Variants in LRRC8D observed in about 807,000 individuals in gnomAD.
LRRC8D encodes leucine rich repeat containing 8 VRAC subunit D.
In LRRC8D, 20 loss-of-function variants were observed where a neutral mutation model predicts 55.8. The ratio of observed to expected loss-of-function variants is 0.36; its 90% CI spans 0.25 to 0.52. LRRC8D has a LOEUF of 0.52. Ranked by LOEUF, LRRC8D falls within the 20% of genes least tolerant of loss-of-function variation. The pLI is 0.93. For missense variants in LRRC8D, 651 were observed against 1,030.8 expected (o/e 0.63, Z 5.05); for synonymous variants, 352 against 377.0 (o/e 0.93, Z 0.77).
intron 2 of LRRC8D, among the ~76,000 whole-genome samples, chr1:89,904,995 T>G (rs1348399713): frequency 8.0e-6 from 1 of 124,280 alleles, no homozygotes; most frequent in Non-Finnish European, 2.0e-5. Flanking sequence ...TGGAAGTACT[T>G]GATTTTGGAG....
intron 2 of LRRC8D, among the ~76,000 whole-genome samples, chr1:89,850,554 A>G (rs1661386208): frequency 6.6e-6 from 1 of 152,206 alleles, no homozygotes; most frequent in Non-Finnish European, 1.5e-5. Flanking sequence ...TAGTTTGCAA[A>G]GGATAATGGC....
chr1:89,848,975 C>A (rs978212759), intron 2 of LRRC8D, among the ~76,000 whole-genome samples: 1 of 152,022 alleles, frequency 6.6e-6, no homozygotes, highest in Non-Finnish European at 1.5e-5. Flanking sequence ...TGGGATTACA[C>A]GCATGAGCCA....
At chr1:89,897,721 C>T (rs1418718016) in intron 2 of LRRC8D, among the ~76,000 whole-genome samples, 1 of 151,556 alleles carries the variant, frequency 6.6e-6, no homozygotes, top group East Asian at 1.9e-4. Context: ...TTTTAATAAC[C>T]TGAAAAAAAA....
intron 1 of LRRC8D, among the ~76,000 whole-genome samples, chr1:89,830,631 C>T (rs1660864082): frequency 6.6e-6 from 1 of 152,144 alleles, no homozygotes; most frequent in Non-Finnish European, 1.5e-5. Flanking sequence ...GTGGGAGGCC[C>T]ATCAGAAGTG....
intron 2 of LRRC8D, among the ~76,000 whole-genome samples, chr1:89,896,069 C>T (rs983942572): frequency 6.6e-6 from 1 of 152,238 alleles, no homozygotes; most frequent in Admixed American, 6.5e-5. Context: ...AGAAATGATA[C>T]ATGAGTTTTA....
intron 2 of LRRC8D, among the ~76,000 whole-genome samples, chr1:89,870,300 C>A (rs1186200246): frequency 6.6e-6 from 1 of 151,612 alleles, no homozygotes; most frequent in Non-Finnish European, 1.5e-5. Context: ...TGTGGTGAAA[C>A]CCTGTCTCTA....
intron 2 of LRRC8D, among the ~76,000 whole-genome samples, chr1:89,894,865 G>A (rs777378019): frequency 6.6e-6 from 1 of 152,112 alleles, no homozygotes; most frequent in Non-Finnish European, 1.5e-5. Flanking sequence ...GATGTGATAC[G>A]GAAAATTCTG....
At chr1:89,839,959 G>A (rs1661092471) in intron 1 of LRRC8D, among the ~76,000 whole-genome samples, 1 of 152,160 alleles carries the variant, frequency 6.6e-6, no homozygotes, top group African/African-American at 2.4e-5. Context: ...TTAGAGATGA[G>A]TTTATCATCT....
At chr1:89,864,159 T>C (rs1661787555) in intron 2 of LRRC8D, among the ~76,000 whole-genome samples, 1 of 152,234 alleles carries the variant, frequency 6.6e-6, no homozygotes. Flanking sequence ...CTGTTTTTTG[T>C]CTTTGAACCA....
intron 1 of LRRC8D, among the ~76,000 whole-genome samples, chr1:89,824,631 C>T (rs996961758): frequency 6.6e-6 from 1 of 152,092 alleles, no homozygotes; most frequent in African/African-American, 2.4e-5. Context: ...TCTTTTGGAG[C>T]TGCCTACTCT....
intron 2 of LRRC8D, among the ~76,000 whole-genome samples, chr1:89,867,416 A>C (rs1253663766): frequency 1.3e-4 from 20 of 152,144 alleles, no homozygotes. Context: ...ACCATTCTGT[A>C]ATGTTAAGTA....
At chr1:89,853,894 G>C (rs1661485561) in intron 2 of LRRC8D, among the ~76,000 whole-genome samples, 1 of 152,182 alleles carries the variant, frequency 6.6e-6, no homozygotes, top group Non-Finnish European at 1.5e-5. Context: ...ATACACGCGG[G>C]TGTGTACACG....
At chr1:89,879,583 G>A (rs1662230855) in intron 2 of LRRC8D, among the ~76,000 whole-genome samples, 1 of 152,182 alleles carries the variant, frequency 6.6e-6, no homozygotes, top group Admixed American at 6.5e-5. Context: ...CCTTATGTAT[G>A]ATATTGTGTA....
At chr1:89,826,430 A>T (rs1660764877) in intron 1 of LRRC8D, among the ~76,000 whole-genome samples, 2 of 151,928 alleles carry the variant, frequency 1.3e-5, no homozygotes, top group Admixed American at 1.3e-4. Flanking sequence ...GCACACAGCT[A>T]ATTTTTTGTA....
At chr1:89,836,386 A>G (rs886262817) in intron 1 of LRRC8D, among the ~76,000 whole-genome samples, 6 of 152,162 alleles carry the variant, frequency 3.9e-5, no homozygotes, top group African/African-American at 7.2e-5. Flanking sequence ...TGCCTTCTCT[A>G]CTGTTCTTTG....
rs1663753931 is a variant in LRRC8D at position 89,933,194 on chromosome 1, A to G, written c.126A>G (p.Ala42=). ...AVVMLMVAIF[A]GTMQLTKDQV... ...TTATGTTAATGGTAGCCATCTTTGCAGGAACCATGCAACTTACCAAAGATC... is the reference window on the plus strand; with the variant it reads ...TTATGTTAATGGTAGCCATCTTTGCGGGAACCATGCAACTTACCAAAGATC... Residue 42 remains alanine, a synonymous_variant, in exon 3 of 3, where the codon GCA becomes GCG. Transcript: ENST00000337338. This position sits in a 1 kb window ranked among gnomAD's most constrained non-coding sequence, Gnocchi z 7.0. 6.2e-7 allele frequency: 1 copy of G among 1,614,232 alleles called. No homozygotes were observed. Among genetic ancestry groups the G allele is most frequent in the South Asian group, 1.1e-5 (1 of 91,086 alleles).
chr1:89,860,785 A>AATATATATATAT lies in LRRC8D; in HGVS notation c.-3+17017_-3+17028dup, dbSNP rs35932362. Among the ~76,000 whole-genome samples, 243 of 28,184 alleles carry AATATATATATAT rather than the reference A, an allele frequency of 8.6e-3. 5 individuals carry two copies. Among genetic ancestry groups the AATATATATATAT allele is most frequent in the East Asian group, 0.035 (35 of 996 alleles). 18.5% of individuals were successfully genotyped at this position (28,184 alleles called of 152,430 possible). On this transcript the variant is annotated intron_variant, in intron 2 of 2. Transcript: ENST00000337338. The stretch of plus-strand genomic sequence containing the variant: ...AAAAAAAAAAAAAAAAAAAAAAAAA[A>AATATATATATAT]ATATATATATATATATATATATATA...
chr1:89,846,100 A>G (rs1271616970), intron 2 of LRRC8D, among the ~76,000 whole-genome samples: 1 of 151,880 alleles, frequency 6.6e-6, no homozygotes, highest in Admixed American at 6.6e-5. Flanking sequence ...TTTTATACCT[A>G]TGTGTGTTCC....
chr1:89,866,232 G>C (rs570041795), intron 2 of LRRC8D, among the ~76,000 whole-genome samples: 1 of 152,146 alleles, frequency 6.6e-6, no homozygotes. Context: ...CTTGCTCAAT[G>C]ACAGTCTTAA....
Sources: allele counts gnomAD v4.1 joint callset (sites outside exome capture counted in the v4.1 genomes callset), GRCh38; gene constraint gnomAD v4.1.1; non-coding constraint Gnocchi (gnomAD v3.1); transcripts MANE v1.5; gene names NCBI Gene and HGNC (gene_info 2026-07-23, HGNC 2026-07-21).